BMS1: variants seen among roughly 807,000 people sequenced by gnomAD.
The protein encoded by BMS1 is BMS1 ribosome biogenesis factor.
In BMS1, 53 loss-of-function variants were observed where a neutral mutation model predicts 138.7. That is an observed-to-expected ratio of 0.38 (90% CI 0.31 to 0.48). The LOEUF (loss-of-function observed/expected upper bound fraction) is 0.48. Among genes scored for constraint, BMS1 ranks in the 20% least tolerant of loss-of-function variants. The pLI is 0.97. For missense variants in BMS1, 1,360 were observed against 1,565.5 expected (o/e 0.87, Z 2.22); for synonymous variants, 504 against 539.9 (o/e 0.93, Z 0.92).
intron 15 of BMS1, among the ~76,000 whole-genome samples, chr10:42,819,980 C>T (rs565818676): frequency 6.8e-4 from 103 of 152,110 alleles, no homozygotes; most frequent in East Asian, 6.0e-3. Context: ...TTAGTAGAGA[C>T]GGGGTTTCAC....
chr10:42,797,650 G>T, intron 11 of BMS1, 127 bp downstream of exon 11: 4 of 859,478 alleles, frequency 4.7e-6, no homozygotes, highest in Non-Finnish European at 7.3e-6. Flanking sequence ...TTTCATATTT[G>T]ACAGATGTCT....
intron 18 of BMS1, among the ~76,000 whole-genome samples, chr10:42,821,751 C>T (rs1407852644): frequency 6.6e-6 from 1 of 151,878 alleles, no homozygotes; most frequent in Non-Finnish European, 1.5e-5. Flanking sequence ...TGGGATTTTG[C>T]CATGTTGGCC....
intron 21 of BMS1, among the ~76,000 whole-genome samples, chr10:42,828,395 A>G (rs185191956): frequency 6.6e-6 from 1 of 152,218 alleles, no homozygotes; most frequent in East Asian, 1.9e-4. Context: ...GGCCCTTAAC[A>G]CTAAGGTCTG....
intron 21 of BMS1, among the ~76,000 whole-genome samples, chr10:42,824,870 A>G (rs546068876): frequency 1.4e-4 from 22 of 152,278 alleles, no homozygotes; most frequent in African/African-American, 5.1e-4. Flanking sequence ...TGCCAGCACC[A>G]TACTGTTTTG....
chr10:42,787,443 G>A (rs1184798938), intron 4 of BMS1, among the ~76,000 whole-genome samples, 196 bp downstream of exon 4: 1 of 152,188 alleles, frequency 6.6e-6, no homozygotes, highest in Admixed American at 6.5e-5. Context: ...AAAATGGAAT[G>A]TGCACAATGA....
At chr10:42,790,879 C>G (rs1482451791) in intron 5 of BMS1, among the ~76,000 whole-genome samples, 1 of 152,136 alleles carries the variant, frequency 6.6e-6, no homozygotes, top group African/African-American at 2.4e-5. Flanking sequence ...AGAGACATTA[C>G]TAAACGTCTC....
chr10:42,823,773 T>C lies in BMS1; in HGVS notation c.3445T>C (p.Ser1149Pro), dbSNP rs1484284109. Residue 1149 changes from serine (S) to proline (P), a missense_variant, in exon 21 of 23, where the codon TCT becomes CCT. Coordinates refer to ENST00000374518, the MANE Select transcript of BMS1 (RefSeq NM_014753.4). ...HGVRLKANKD[S>P]LYKPILRQKK... ...CGTCAGACTAAAGGCGAACAAGGAC[T>C]CTCTGTATAAGGTACTGGTCGCGTG... 1.3e-6 allele frequency: 2 copies of C among 1,592,026 alleles called. No individual in the cohort carries two copies. Among genetic ancestry groups the C allele is most frequent in the East Asian group, 2.2e-5 (1 of 44,794 alleles).
In BMS1 at chr10:42,793,294, T is replaced by C. The variant is rs1244550881; in HGVS notation, c.1089+150T>C. 4.2e-6 allele frequency: 3 copies of C among 714,406 alleles called. No homozygotes were observed. In the Admixed American group the frequency reaches 1.0e-4, roughly 24 times the overall value. The allele number at this position is 714,406 out of a possible 1,614,324, so 44.3% of individuals were successfully genotyped here. A position where few individuals can be genotyped will look rare whatever the true frequency, so the allele number is the denominator to read the frequency against. ...AAGGCCCAAATGCATATTGTAAATA[T>C]ATAGGATAAAAATAATACTTTTTTT... On this transcript the variant is annotated intron_variant, in intron 8 of 22. Coordinates refer to ENST00000374518, the MANE Select transcript of BMS1 (RefSeq NM_014753.4).
At chr10:42,802,737 C>T (rs1841908103) in intron 13 of BMS1, among the ~76,000 whole-genome samples, 1 of 150,432 alleles carries the variant, frequency 6.6e-6, no homozygotes. Context: ...TAAATTTTGT[C>T]ATTAAATTTT....
intron 9 of BMS1, among the ~76,000 whole-genome samples, chr10:42,795,112 C>T (rs1219691560): frequency 6.8e-6 from 1 of 146,158 alleles, no homozygotes; most frequent in East Asian, 1.9e-4. Context: ...TTTATGGCTG[C>T]ATAGTATTCC....
At chr10:42,826,538 G>A (rs7077716) in intron 21 of BMS1, among the ~76,000 whole-genome samples, 6,863 of 152,182 alleles carry the variant, frequency 0.045, 222 homozygotes, top group Non-Finnish European at 0.063. Flanking sequence ...TTGGGCCCTC[G>A]GGGGCAGGGA....
chr10:42,796,372 G>C, intron 9 of BMS1, 102 bp from the exon 10 acceptor site: 1 of 1,291,474 alleles, frequency 7.7e-7, no homozygotes. Flanking sequence ...ACAATTCCTT[G>C]ACATTTTCTA....
At chr10:42,813,594 A>G (rs1330061373) in intron 13 of BMS1, among the ~76,000 whole-genome samples, 1 of 152,090 alleles carries the variant, frequency 6.6e-6, no homozygotes, top group Non-Finnish European at 1.5e-5. Flanking sequence ...TTCAGTTGTC[A>G]AGTGTGATTT....
chr10:42,820,908 A>T (rs768569799), intron 17 of BMS1, 26 bp from the exon 18 acceptor site: 20 of 1,597,600 alleles, frequency 1.3e-5, no homozygotes, highest in South Asian at 5.5e-5. Flanking sequence ...GGTTCGCTAT[A>T]TTTCTTTTTT....
intron 13 of BMS1, among the ~76,000 whole-genome samples, chr10:42,802,861 A>G (rs187934560): frequency 1.3e-5 from 2 of 152,032 alleles, no homozygotes; most frequent in Admixed American, 1.3e-4. Flanking sequence ...TCAATATCTA[A>G]GTAGTTTTAT....
chr10:42,815,970 G>A (rs773221484), intron 13 of BMS1, among the ~76,000 whole-genome samples: 19 of 152,224 alleles, frequency 1.2e-4, no homozygotes, highest in East Asian at 3.9e-4. Context: ...TGAACTATTC[G>A]TTTGGGGGAC....
chr10:42,817,498 A>G lies in BMS1; in HGVS notation c.2580+4A>G. On this transcript the variant is annotated splice_donor_region_variant and intron_variant, in intron 15 of 22. Transcript: ENST00000374518. Reference sequence around the variant, plus strand: ...AGAAATGCAGAAACAAGCACAGGTGAGAAACCTCAGTTCCTCTCAGCCCCT... The same window carrying G: ...AGAAATGCAGAAACAAGCACAGGTGGGAAACCTCAGTTCCTCTCAGCCCCT... The G allele has an allele frequency of 6.3e-7, 1 of 1,596,042 alleles. No homozygotes were observed. Among genetic ancestry groups the G allele is most frequent in the Admixed American group, 1.8e-5 (1 of 55,278 alleles).
chr10:42,795,683 A>G (rs577402551), intron 9 of BMS1, among the ~76,000 whole-genome samples: 1 of 151,942 alleles, frequency 6.6e-6, no homozygotes, highest in South Asian at 2.1e-4. Context: ...TTTCAAATTT[A>G]TGTTTTCTTA....
In BMS1 at chr10:42,830,955, C is replaced by T; in HGVS notation, c.3708C>T (p.His1236=). 6.2e-7 allele frequency: 1 copy of T among 1,610,634 alleles called. No homozygotes were observed. The highest frequency in any genetic ancestry group is 8.5e-7 in the Non-Finnish European group (1 of 1,178,406). The change falls in exon 23 of 23, where the codon CAC becomes CAT. Residue 1236 remains histidine (H), a synonymous_variant. Coordinates refer to ENST00000374518, the MANE Select transcript of BMS1 (RefSeq NM_014753.4). The part of the protein sequence containing the change: ...KEQRHLHNKE[H]FRAKQKEEEE... ...AGCGGCACCTGCACAATAAAGAGCA[C>T]TTCAGAGCCAAGCAGAAGGAGGAGG...
Sources: allele counts gnomAD v4.1 joint callset (sites outside exome capture counted in the v4.1 genomes callset), GRCh38; gene constraint gnomAD v4.1.1; transcripts MANE v1.5; gene names NCBI Gene and HGNC (gene_info 2026-07-23, HGNC 2026-07-21).